Variants in PAPPA2 observed in about 807,000 individuals in gnomAD.
PAPPA2 encodes pappalysin 2, also known as pappalysin-2.
A neutral mutation model predicts 176.4 loss-of-function variants in PAPPA2; 86 were observed. The ratio of observed to expected loss-of-function variants is 0.49; its 90% CI spans 0.41 to 0.58. The LOEUF (loss-of-function observed/expected upper bound fraction) is 0.58, where lower values mean the gene tolerates loss of function less well. PAPPA2 is among the 20% of genes least tolerant of loss of function. The pLI is 0.00. For synonymous variants in PAPPA2, 809 were observed against 852.2 expected (o/e 0.95, Z 0.88); for missense variants, 2,073 against 2,256.9 (o/e 0.92, Z 1.65).
chr1:176,529,119 G>A (rs1265571438), intron 1 of PAPPA2, among the ~76,000 whole-genome samples: 1 of 152,090 alleles, frequency 6.6e-6, no homozygotes, highest in African/African-American at 2.4e-5. Context: ...GAAATGCAGT[G>A]GAAGAATTAA....
chr1:176,695,817 G>A lies in PAPPA2; in HGVS notation c.2704G>A (p.Val902Met), dbSNP rs1360446198. 6.2e-7 allele frequency: 1 copy of A among 1,613,986 alleles called. No homozygotes were observed. The highest frequency in any genetic ancestry group is 1.3e-5 in the African/African-American group (1 of 74,916). ...QYVHTASSRR[V>M]CDSSGYWTPE... ...TGTGCACACAGCTTCCTCCCGGCGG[G>A]TGTGTGACTCCTCAGGTTATTGGAC... The change falls in exon 7 of 23, where the codon GTG becomes ATG. Residue 902 changes from valine (V) to methionine (M), a missense_variant. Transcript: ENST00000367662.
At chr1:176,768,334 C>T (rs998768119) in intron 15 of PAPPA2, among the ~76,000 whole-genome samples, 4 of 152,080 alleles carry the variant, frequency 2.6e-5, no homozygotes, top group African/African-American at 9.7e-5. Context: ...CCTCCCTGGC[C>T]GAGGATGGCA....
intron 4 of PAPPA2, among the ~76,000 whole-genome samples, chr1:176,689,639 G>T (rs545048525): frequency 6.6e-6 from 1 of 152,146 alleles, no homozygotes; most frequent in Non-Finnish European, 1.5e-5. Flanking sequence ...GGCTGTTCAA[G>T]TCCTCAAAGC....
intron 12 of PAPPA2, among the ~76,000 whole-genome samples, chr1:176,733,029 G>A (rs1285066156): frequency 6.6e-6 from 1 of 152,150 alleles, no homozygotes; most frequent in African/African-American, 2.4e-5. Flanking sequence ...GCACATGCAA[G>A]GGATCTAGGT....
rs904073627 is a variant in PAPPA2, at chr1:176,498,764, A to G, written c.-917+35346A>G. Reference sequence around the variant, plus strand: ...GACTCTTACCTCCAAAAAAAAAAAAAAAGAAGAAGAAATCTGAAGCTACAG... The same window carrying G: ...GACTCTTACCTCCAAAAAAAAAAAAGAAGAAGAAGAAATCTGAAGCTACAG... On this transcript the variant is annotated intron_variant, in intron 1 of 22. Coordinates refer to ENST00000367662, the MANE Select transcript of PAPPA2 (RefSeq NM_020318.3). 5.9e-5 allele frequency among the ~76,000 whole-genome samples: 9 copies of G among 151,862 alleles called. 1 individual carries two copies. Among genetic ancestry groups the G allele is most frequent in the Non-Finnish European group, 8.8e-5 (6 of 67,960 alleles).
intron 14 of PAPPA2, among the ~76,000 whole-genome samples, chr1:176,752,464 AC>A: frequency 6.6e-6 from 1 of 152,206 alleles, no homozygotes; most frequent in African/African-American, 2.4e-5. Flanking sequence ...TAATTAACAT[AC>A]CTGCCTTGCT....
At chr1:176,742,122 G>A (rs115153103) in intron 14 of PAPPA2, among the ~76,000 whole-genome samples, 1 of 152,318 alleles carries the variant, frequency 6.6e-6, no homozygotes, top group African/African-American at 2.4e-5. Flanking sequence ...GTCACATTGG[G>A]TGATAACTAT....
intron 21 of PAPPA2, among the ~76,000 whole-genome samples, chr1:176,816,352 G>A (rs531403881): frequency 3.0e-4 from 40 of 135,136 alleles, no homozygotes; most frequent in Non-Finnish European, 5.2e-4. Context: ...CAATAGATGA[G>A]GTTTTAGCTC....
chr1:176,601,323 C>G (rs1385202588), intron 3 of PAPPA2, among the ~76,000 whole-genome samples: 1 of 152,158 alleles, frequency 6.6e-6, no homozygotes, highest in Non-Finnish European at 1.5e-5. Context: ...ATTACCCACT[C>G]TCATGTATTC....
chr1:176,816,003 T>G (rs1468868536), intron 21 of PAPPA2, among the ~76,000 whole-genome samples: 6 of 151,402 alleles, frequency 4.0e-5, no homozygotes. Context: ...GGACAAATTG[T>G]GAGGGAGGAA....
At chr1:176,568,737 C>A (rs973776749) in intron 2 of PAPPA2, among the ~76,000 whole-genome samples, 4 of 152,218 alleles carry the variant, frequency 2.6e-5, no homozygotes, top group African/African-American at 9.7e-5. Flanking sequence ...CAAATCCTGT[C>A]TGGTTGGCCT....
rs939165431 is a variant in PAPPA2 at position 176,557,029 on chromosome 1, C to G, written c.707C>G (p.Pro236Arg). The change falls in exon 2 of 23, where the codon CCG becomes CGG. Residue 236 changes from proline to arginine, a missense_variant. Pro to Arg is a moderately radical substitution (Grantham distance 103). Coordinates refer to ENST00000367662, the MANE Select transcript of PAPPA2 (RefSeq NM_020318.3). The part of the protein sequence containing the change: ...SLKHRVKKSP[P>R]EESNQNGGEG... ...AAACACAGGGTCAAAAAGAGTCCAC[C>G]GGAGGAAAGCAACCAAAATGGTGGA... is the stretch of plus-strand genomic sequence containing the variant. 52 of 1,613,904 alleles carry G rather than the reference C, an allele frequency of 3.2e-5. No homozygotes were observed. Among genetic ancestry groups the G allele is most frequent in the Non-Finnish European group, 4.2e-5 (49 of 1,180,006 alleles).
chr1:176,502,728 C>A (rs1441420584), intron 1 of PAPPA2, among the ~76,000 whole-genome samples: 1 of 152,164 alleles, frequency 6.6e-6, no homozygotes, highest in East Asian at 1.9e-4. Context: ...AAACAACTTA[C>A]TTCACATCTA....
intron 4 of PAPPA2, among the ~76,000 whole-genome samples, chr1:176,671,802 A>G (rs1198909671): frequency 4.0e-5 from 6 of 151,440 alleles, no homozygotes; most frequent in Non-Finnish European, 8.8e-5. Context: ...TCAGTAAACT[A>G]TCGCAAGAAC....
chr1:176,790,657 T>G (rs1665134811), intron 18 of PAPPA2, among the ~76,000 whole-genome samples: 1 of 152,046 alleles, frequency 6.6e-6, no homozygotes, highest in African/African-American at 2.4e-5. Context: ...ATCAAGCACA[T>G]CCGGTTGCAC....
At chr1:176,593,080 A>T (rs976416169) in intron 2 of PAPPA2, among the ~76,000 whole-genome samples, 23 of 152,234 alleles carry the variant, frequency 1.5e-4, no homozygotes, top group African/African-American at 4.6e-4. Context: ...AATTCAAAGT[A>T]TAGTTGTTAG....
At chr1:176,728,588 C>T (rs910987124) in intron 12 of PAPPA2, among the ~76,000 whole-genome samples, 5 of 151,866 alleles carry the variant, frequency 3.3e-5, no homozygotes, top group African/African-American at 1.2e-4. Flanking sequence ...TGCTGATTCT[C>T]CCTAAATTTT....
At chr1:176,535,429 G>C (rs1650019558) in intron 1 of PAPPA2, among the ~76,000 whole-genome samples, 2 of 152,136 alleles carry the variant, frequency 1.3e-5, no homozygotes, top group Non-Finnish European at 2.9e-5. Flanking sequence ...CTACTTTTTT[G>C]AGTTTGCTCT....
intron 1 of PAPPA2, among the ~76,000 whole-genome samples, chr1:176,521,104 G>A (rs1649193252): frequency 7.5e-6 from 1 of 132,810 alleles, no homozygotes; most frequent in South Asian, 2.5e-4. Context: ...GTCAGAAAGA[G>A]AGACAGAGAC....
Sources: gnomAD v4.1 joint callset for allele counts (sites outside exome capture counted in the v4.1 genomes callset) on GRCh38, gnomAD v4.1.1 for gene constraint, MANE v1.5 for transcripts, NCBI Gene and HGNC (gene_info 2026-07-23, HGNC 2026-07-21) for gene names.